Variants in FXYD1 observed in about 807,000 individuals in gnomAD.
The protein encoded by FXYD1 is FXYD domain containing ion transport regulator 1, also known as phospholemman.
Under a neutral mutation model 17.2 loss-of-function variants are expected in FXYD1, and 9 were observed. The ratio of observed to expected loss-of-function variants is 0.52; its 90% CI spans 0.32 to 0.91. FXYD1 has a LOEUF of 0.91. FXYD1 is among the 40% of genes least tolerant of loss of function. The pLI, the probability that FXYD1 is intolerant of heterozygous loss-of-function variation, is 0.04. For synonymous variants in FXYD1, 55 were observed against 45.8 expected, an observed-to-expected ratio of 1.20 and a Z score of -0.81; for missense variants, 113 against 120.6, an observed-to-expected ratio of 0.94 and a Z score of 0.29.
rs1600483377 is a variant in FXYD1 at position 35,139,683 on chromosome 19, G to A, written c.-4-393G>A. 6.3e-5 allele frequency: 12 copies of A among 191,422 alleles called. 1 individual carries two copies. The highest frequency in any genetic ancestry group is 2.2e-3 in the Middle Eastern group (1 of 460). The allele number at this position is 191,422 out of a possible 1,614,324, so 11.9% of individuals were successfully genotyped here. On this transcript the variant is annotated intron_variant, in intron 1 of 7. Transcript: ENST00000351325. ...ATTTCGCGGGGCACAGTGAGGCCGG[G>A]CATGTAGGCAGGTGGGACTTGGGCG...
At chr19:35,142,395 G>A (rs2065264817) in intron 5 of FXYD1, 77 bp from the exon 6 acceptor site, 1 of 1,105,130 alleles carries the variant, frequency 9.0e-7, no homozygotes. Flanking sequence ...GGGAAAGGAG[G>A]CTTGTACTGG....
rs1354119588 is a variant in FXYD1 at position 35,141,531 on chromosome 19, C to T, written c.170-5C>T. 2 of 1,609,644 alleles carry T rather than the reference C, an allele frequency of 1.2e-6. No individual in the cohort carries two copies. Among genetic ancestry groups the T allele is most frequent in the East Asian group, 2.2e-5 (1 of 44,776 alleles). ...TCAGCTTCTCCTACCTCTCCACGCC[C>T]ACAGGCAGAAGATGCCGGTGCAAGT... is the stretch of plus-strand genomic sequence containing the variant. On this transcript the variant is annotated splice_polypyrimidine_tract_variant and splice_region_variant and intron_variant, in intron 4 of 7. Coordinates refer to ENST00000351325, the MANE Select transcript of FXYD1 (RefSeq NM_021902.4).
chr19:35,138,563 TTG>T (rs144398537), upstream of FXYD1: 7 of 151,428 alleles, frequency 4.6e-5, no homozygotes, highest in Non-Finnish European at 5.9e-5. Context: ...GCGTGTGTGT[TTG>T]TGTGTGTGTG....
upstream of FXYD1, among the ~76,000 whole-genome samples, chr19:35,137,296 G>A (rs886611636): frequency 6.6e-6 from 1 of 152,220 alleles, no homozygotes; most frequent in African/African-American, 2.4e-5. Context: ...CGCCAGGTGT[G>A]TTGTCCCCGA....
In FXYD1 at chr19:35,140,067, C is replaced by A. The variant is rs368391129; in HGVS notation, c.-4-9C>A. 2.5e-6 allele frequency: 4 copies of A among 1,600,058 alleles called. No individual in the cohort carries two copies. Among genetic ancestry groups the A allele is most frequent in the South Asian group, 1.1e-5 (1 of 90,796 alleles). The stretch of plus-strand genomic sequence containing the variant: ...GCACACACTGCCTAATCCGTGGTGT[C>A]CCCCCCAGGACAATGGCGTCTCTTG... On this transcript the variant is annotated splice_polypyrimidine_tract_variant and intron_variant, in intron 1 of 7. Coordinates refer to ENST00000351325, the MANE Select transcript of FXYD1 (RefSeq NM_021902.4).
chr19:35,138,374 GCACACACACA>G (rs750437140), upstream of FXYD1: 11 of 148,540 alleles, frequency 7.4e-5, no homozygotes, highest in African/African-American at 2.0e-4. Context: ...ACATGCGCGC[GCACACACACA>G]CACACACACA....
At chr19:35,142,271 G>A in intron 5 of FXYD1, 1 of 522,788 alleles carries the variant, frequency 1.9e-6, no homozygotes, top group East Asian at 3.4e-5. Context: ...GGTACTCACT[G>A]TTAACCAGCT....
chr19:35,142,313 C>T, intron 5 of FXYD1, 159 bp from the exon 6 acceptor site: 2 of 631,476 alleles, frequency 3.2e-6, no homozygotes, highest in Non-Finnish European at 5.6e-6. Context: ...TAAGCTGCTC[C>T]TGGGTGCTCC....
intron 1 of FXYD1, chr19:35,139,731 T>G: frequency 3.6e-6 from 1 of 279,120 alleles, no homozygotes; most frequent in Non-Finnish European, 7.0e-6. Context: ...TCCTGCTCTG[T>G]GTTTGTGTGA....
Position 35,142,778 on chromosome 19 carries a change from C to G in FXYD1, c.*29+7C>G. On this transcript the variant is annotated splice_region_variant and intron_variant, in intron 7 of 7. Transcript: ENST00000351325. Reference sequence around the variant, plus strand: ...AGCGATGGAATCCGGCCAGGTGCTGCAGCTCTGACACGGCGGTGGGAGGGA... The same window carrying G: ...AGCGATGGAATCCGGCCAGGTGCTGGAGCTCTGACACGGCGGTGGGAGGGA... 6.2e-7 allele frequency: 1 copy of G among 1,604,576 alleles called. No homozygotes were observed.
In FXYD1 at chr19:35,141,533, C is replaced by A. The variant is rs748936086; in HGVS notation, c.170-3C>A. 1 of 1,610,056 alleles carries A rather than the reference C, an allele frequency of 6.2e-7. No homozygotes were observed. Among genetic ancestry groups the A allele is most frequent in the South Asian group, 1.1e-5 (1 of 90,604 alleles). ...AGCTTCTCCTACCTCTCCACGCCCA[C>A]AGGCAGAAGATGCCGGTGCAAGTTC... is the stretch of plus-strand genomic sequence containing the variant. On this transcript the variant is annotated splice_polypyrimidine_tract_variant and splice_region_variant and intron_variant, in intron 4 of 7. Coordinates refer to ENST00000351325, the MANE Select transcript of FXYD1 (RefSeq NM_021902.4).
intron 5 of FXYD1, chr19:35,142,251 A>C: frequency 5.5e-5 from 24 of 434,502 alleles, no homozygotes; most frequent in East Asian, 8.2e-5. Flanking sequence ...CCTGCCCCCA[A>C]ATCCGCGGAG....
At chr19:35,140,905 C>T (rs2065245195) in intron 3 of FXYD1, 3 of 576,188 alleles carry the variant, frequency 5.2e-6, no homozygotes, top group Non-Finnish European at 9.3e-6. Flanking sequence ...CGTCTTCTCT[C>T]CCCCCTGTCC....
At chr19:35,141,252 C>G in intron 4 of FXYD1, 46 bp downstream of exon 4, 1 of 1,047,904 alleles carries the variant, frequency 9.5e-7, no homozygotes, top group South Asian at 1.4e-5. Context: ...CTCCCTGGCC[C>G]CACCTCTCTC....
Position 35,143,069 on chromosome 19 carries a change from G to C in FXYD1, c.*182G>C, listed in dbSNP as rs948433550. Reference sequence around the variant, plus strand: ...CTCTCGACAGCACTTTGTCGGTCTCGGTCCCTCAGCGCGAAACGCCAGCGC... The same window carrying C: ...CTCTCGACAGCACTTTGTCGGTCTCCGTCCCTCAGCGCGAAACGCCAGCGC... On this transcript the variant is annotated 3_prime_UTR_variant, in exon 8 of 8. Transcript: ENST00000351325. This position sits in a 1 kb window ranked among gnomAD's most constrained non-coding sequence, Gnocchi z 4.3. 9.0e-6 allele frequency: 5 copies of C among 553,020 alleles called. No homozygotes were observed. In the Admixed American group the frequency reaches 1.1e-4, roughly 12 times the overall value. 34.3% of individuals were successfully genotyped at this position (553,020 alleles called of 1,614,324 possible). A position where few individuals can be genotyped will look rare whatever the true frequency, so the allele number is the denominator to read the frequency against.
At position 35,143,054 on chromosome 19, in the gene FXYD1, C is replaced by A; in HGVS notation, c.*167C>A. ...ATAAAACGTGCGTTCCTCTCGACAG[C>A]ACTTTGTCGGTCTCGGTCCCTCAGC... On this transcript the variant is annotated 3_prime_UTR_variant, in exon 8 of 8. Transcript: ENST00000351325. This position sits in a 1 kb window ranked among gnomAD's most constrained non-coding sequence, Gnocchi z 4.3. The A allele has an allele frequency of 3.6e-6, 2 of 561,672 alleles. No homozygotes were observed. Among genetic ancestry groups the A allele is most frequent in the Middle Eastern group, 4.7e-4 (1 of 2,124 alleles). 34.8% of individuals were successfully genotyped at this position (561,672 alleles called of 1,614,324 possible).
At chr19:35,140,168 C>T in intron 2 of FXYD1, 28 bp downstream of exon 2, 1 of 1,257,312 alleles carries the variant, frequency 8.0e-7, no homozygotes, top group Non-Finnish European at 1.2e-6. Context: ...TGCCCGCTAC[C>T]CACCTCAGCC....
Position 35,141,574 on chromosome 19 carries a change from T to G in FXYD1, c.206+2T>G. 6.2e-7 allele frequency: 1 copy of G among 1,609,220 alleles called. No individual in the cohort carries two copies. ...GTGCAAGTTCAACCAGCAGCAGAGG[T>G]AAGACGCCCCTCCCCGCCCTCCTTC... On this transcript the variant is annotated splice_donor_variant, in intron 5 of 7. Transcript: ENST00000351325. LOFTEE classifies it high-confidence loss of function.
intron 1 of FXYD1, 168 bp from the exon 2 acceptor site, chr19:35,139,908 T>C: frequency 1.6e-6 from 1 of 607,378 alleles, no homozygotes; most frequent in Non-Finnish European, 3.0e-6. Context: ...TGACACTGTG[T>C]CCCCACGAAG....
Sources: allele counts gnomAD v4.1 joint callset (sites outside exome capture counted in the v4.1 genomes callset), GRCh38; gene constraint gnomAD v4.1.1; non-coding constraint Gnocchi (gnomAD v3.1); transcripts MANE v1.5; gene names NCBI Gene and HGNC (gene_info 2026-07-23, HGNC 2026-07-21).